RAB38: variants seen among roughly 807,000 people sequenced by gnomAD.
RAB38 encodes ras-related protein Rab-38.
RAB38 carries 15 observed loss-of-function variants against 18.4 expected under a neutral mutation model. That is an observed-to-expected ratio of 0.82 (90% CI 0.55 to 1.26). RAB38 has a LOEUF of 1.26. Among genes scored for constraint, RAB38 ranks in the 50% most tolerant of loss-of-function variants. The pLI is 0.00. For synonymous variants in RAB38, 101 were observed against 104.4 expected (o/e 0.97, Z 0.20); for missense variants, 294 against 267.4 (o/e 1.10, Z -0.69).
the RAB38 span, among the ~76,000 whole-genome samples, chr11:88,092,462 C>T: frequency 2.2e-5 from 3 of 139,076 alleles, no homozygotes; most frequent in Admixed American, 2.2e-4. Flanking sequence ...AGATGCCAGG[C>T]TCTTTTAAAC....
the RAB38 span, among the ~76,000 whole-genome samples, chr11:87,930,724 T>C: frequency 2.6e-5 from 4 of 152,196 alleles, no homozygotes; most frequent in Non-Finnish European, 5.9e-5. Context: ...CTTTAATCCA[T>C]CTTGAATTAA....
At chr11:88,035,711 G>T in the RAB38 span, among the ~76,000 whole-genome samples, 1 of 152,170 alleles carries the variant, frequency 6.6e-6, no homozygotes, top group Non-Finnish European at 1.5e-5. Flanking sequence ...CCTCAAATTT[G>T]GTTGACTAAG....
chr11:87,942,729 C>T, the RAB38 span, among the ~76,000 whole-genome samples: 19 of 152,224 alleles, frequency 1.2e-4, no homozygotes, highest in Admixed American at 7.9e-4. Context: ...CTAAATTGTC[C>T]GATGACTGCT....
chr11:87,970,374 T>C, the RAB38 span, among the ~76,000 whole-genome samples: 5 of 152,084 alleles, frequency 3.3e-5, no homozygotes, highest in South Asian at 8.3e-4. Context: ...TTATTTCATA[T>C]TATGATATTT....
intron 2 of RAB38, among the ~76,000 whole-genome samples, chr11:88,135,450 A>C (rs1942824740): frequency 6.6e-6 from 1 of 152,370 alleles, no homozygotes. Context: ...ACCGTAAAAT[A>C]AAGTACTTAG....
At chr11:88,172,681 C>A (rs755471712) in intron 1 of RAB38, among the ~76,000 whole-genome samples, 1 of 152,142 alleles carries the variant, frequency 6.6e-6, no homozygotes, top group South Asian at 2.1e-4. Flanking sequence ...CTATAAGGTA[C>A]ACCTGGCTGA....
chr11:87,812,505 T>C, the RAB38 span, among the ~76,000 whole-genome samples: 4 of 152,336 alleles, frequency 2.6e-5, no homozygotes, highest in South Asian at 8.3e-4. Context: ...TGTATACATA[T>C]TGTTGATATT....
chr11:87,930,238 CTT>C, the RAB38 span, among the ~76,000 whole-genome samples: 1 of 152,138 alleles, frequency 6.6e-6, no homozygotes, highest in African/African-American at 2.4e-5. Context: ...TGTTTCCCGA[CTT>C]TTTAATGATC....
the RAB38 span, among the ~76,000 whole-genome samples, chr11:87,977,770 G>T: frequency 6.5e-5 from 7 of 107,406 alleles, no homozygotes; most frequent in African/African-American, 2.2e-4. Context: ...TTATATTATA[G>T]TTATATATTA....
chr11:88,093,473 G>C, the RAB38 span, among the ~76,000 whole-genome samples: 18 of 117,998 alleles, frequency 1.5e-4, no homozygotes, highest in Non-Finnish European at 2.7e-4. Context: ...AACATACATC[G>C]AATTGTATAG....
At chr11:87,834,838 G>T in the RAB38 span, among the ~76,000 whole-genome samples, 6 of 152,084 alleles carry the variant, frequency 3.9e-5, no homozygotes, top group Non-Finnish European at 8.8e-5. Flanking sequence ...GACACAAATG[G>T]CATAATACTA....
At chr11:88,111,271 G>A (rs191622926), downstream of RAB38, among the ~76,000 whole-genome samples, 3 of 152,000 alleles carry the variant, frequency 2.0e-5, no homozygotes. Flanking sequence ...GCATCAAGAG[G>A]CACCCCAGTG....
chr11:88,127,354 C>G (rs1942711343), intron 2 of RAB38, among the ~76,000 whole-genome samples: 1 of 152,168 alleles, frequency 6.6e-6, no homozygotes, highest in Non-Finnish European at 1.5e-5. Context: ...CTCTTTCTCC[C>G]TCCCATCTCA....
chr11:87,899,018 G>A, the RAB38 span, among the ~76,000 whole-genome samples: 4 of 151,658 alleles, frequency 2.6e-5, no homozygotes, highest in Non-Finnish European at 4.4e-5. Flanking sequence ...ACTTAGGCAG[G>A]ACTTTTGTTA....
chr11:88,146,857 A>G (rs1942993551), intron 2 of RAB38, among the ~76,000 whole-genome samples: 2 of 152,218 alleles, frequency 1.3e-5, no homozygotes. Flanking sequence ...TTAGCTTGTG[A>G]AATCTCATGT....
At chr11:87,962,064 T>C in the RAB38 span, among the ~76,000 whole-genome samples, 1 of 152,174 alleles carries the variant, frequency 6.6e-6, no homozygotes, top group Non-Finnish European at 1.5e-5. Flanking sequence ...ACCAATTTTA[T>C]GTTTGTTACT....
At chr11:87,946,619 G>C in the RAB38 span, among the ~76,000 whole-genome samples, 2 of 151,796 alleles carry the variant, frequency 1.3e-5, no homozygotes, top group East Asian at 1.9e-4. Context: ...CAATTCCCAG[G>C]TATAAGTGAG....
At chr11:87,860,344 A>G in the RAB38 span, among the ~76,000 whole-genome samples, 1 of 152,026 alleles carries the variant, frequency 6.6e-6, no homozygotes, top group Non-Finnish European at 1.5e-5. Flanking sequence ...ATATTGCCAA[A>G]TAACATAAAC....
At chr11:88,070,467 C>A in the RAB38 span, among the ~76,000 whole-genome samples, 12 of 152,328 alleles carry the variant, frequency 7.9e-5, no homozygotes, top group South Asian at 2.1e-3. Flanking sequence ...CAAGAACCCA[C>A]CAGTTCCAGA....
Sources: gnomAD v4.1 joint callset for allele counts (sites outside exome capture counted in the v4.1 genomes callset) on GRCh38, gnomAD v4.1.1 for gene constraint, MANE v1.5 for transcripts, NCBI Gene and HGNC (gene_info 2026-07-23, HGNC 2026-07-21) for gene names.